The following TNRC6C variants were observed in gnomAD, a reference collection of about 807,000 sequenced individuals.
TNRC6C encodes the protein trinucleotide repeat containing adaptor 6C.
A neutral mutation model predicts 153.7 loss-of-function variants in TNRC6C; 20 were observed. That is an observed-to-expected ratio of 0.13 (90% CI 0.09 to 0.19). TNRC6C has a LOEUF of 0.19. TNRC6C is among the 10% of genes least tolerant of loss of function. TNRC6C has a pLI of 1.00. For synonymous variants in TNRC6C, 811 were observed against 841.4 expected, an observed-to-expected ratio of 0.96 and a Z score of 0.63; for missense variants, 1,987 against 2,172.0, an observed-to-expected ratio of 0.91 and a Z score of 1.69.
chr17:78,038,961 G>A (rs370913980), intron 2 of TNRC6C, among the ~76,000 whole-genome samples: 121 of 152,150 alleles, frequency 8.0e-4, no homozygotes, highest in African/African-American at 2.5e-3. Flanking sequence ...TGGTCGGAAT[G>A]TAAGGAGGCA....
In TNRC6C at chr17:78,033,008, A is replaced by G. The variant is rs185630258; in HGVS notation, c.-219+1166A>G. On this transcript the variant is annotated intron_variant, in intron 2 of 19. Transcript: ENST00000301624. The stretch of plus-strand genomic sequence containing the variant: ...TCTATTTAGTTGCCAGCAGTTTACA[A>G]TCAAACATGCTACTTTCCCAATATG... Among the ~76,000 whole-genome samples the G allele has an allele frequency of 7.9e-5, 12 of 152,354 alleles. No individual in the cohort carries two copies. The East Asian group carries it at 1.7e-3, about 22-fold the overall frequency.
In TNRC6C at chr17:78,079,341, C is replaced by T; in HGVS notation, c.3211-54C>T. The T allele has an allele frequency of 6.3e-7, 1 of 1,592,576 alleles. No homozygotes were observed. Among genetic ancestry groups the T allele is most frequent in the South Asian group, 1.1e-5 (1 of 90,084 alleles). On this transcript the variant is annotated intron_variant, in intron 9 of 19. Transcript: ENST00000301624. This position sits in a 1 kb window ranked among gnomAD's most constrained non-coding sequence, Gnocchi z 4.3. ...TAGATCATTTCACCCTACCTCCAAA[C>T]AATGTTACTCTAATGCCTGCCTTGG...
chr17:78,095,097 A>G (rs2073460996), intron 16 of TNRC6C, among the ~76,000 whole-genome samples: 1 of 152,230 alleles, frequency 6.6e-6, no homozygotes, highest in Non-Finnish European at 1.5e-5. Context: ...TGCAGGTTGT[A>G]CAGATCCAAG....
chr17:78,091,523 C>T, exon 14 of TNRC6C: 1 of 1,609,258 alleles, frequency 6.2e-7, no homozygotes, highest in Non-Finnish European at 8.5e-7. Flanking sequence ...GTCCCAGTCA[C>T]GCCTCCCCCA....
intron 16 of TNRC6C, among the ~76,000 whole-genome samples, chr17:78,097,184 C>G (rs563216300): frequency 5.6e-4 from 86 of 152,236 alleles, no homozygotes; most frequent in African/African-American, 2.0e-3. Flanking sequence ...TGTGAACAGC[C>G]ACTGTGCTGC....
chr17:78,051,301 A>G (rs2072527120), exon 3 of TNRC6C: 5 of 1,551,884 alleles, frequency 3.2e-6, no homozygotes, highest in African/African-American at 2.7e-5. Context: ...CATGTGGGAT[A>G]GAAACAACCC....
Position 77,989,944 on chromosome 17 carries a change from C to T in TNRC6C, c.-37-14226C>T, listed in dbSNP as rs554283082. ...ACATCTCCTGAAATTTTTCTCCAGTCTGGATCTTTCCTGTGAACTCTGGAA... is the reference window on the plus strand; with the variant it reads ...ACATCTCCTGAAATTTTTCTCCAGTTTGGATCTTTCCTGTGAACTCTGGAA... On this transcript the variant is annotated intron_variant, in intron 1 of 22. Coordinates refer to the TNRC6C transcript ENST00000636222. Among the ~76,000 whole-genome samples, 28 of 152,274 alleles carry T rather than the reference C, an allele frequency of 1.8e-4. No homozygotes were observed. In the East Asian group the frequency reaches 5.4e-3, roughly 29 times the overall value.
intron 7 of TNRC6C, among the ~76,000 whole-genome samples, chr17:78,074,301 AT>A (rs1030620695): frequency 1.3e-5 from 2 of 152,130 alleles, no homozygotes; most frequent in African/African-American, 4.8e-5. Context: ...GGCAACTCAC[AT>A]TTTTTTGCCA....
At chr17:77,993,931 G>A (rs1042168835) in intron 1 of TNRC6C, among the ~76,000 whole-genome samples, 1 of 151,574 alleles carries the variant, frequency 6.6e-6, no homozygotes, top group Non-Finnish European at 1.5e-5. Context: ...CGTGTCTCCC[G>A]CCTGAAATTC....
chr17:78,012,925 A>G (rs2143405097), intron 1 of TNRC6C, among the ~76,000 whole-genome samples: 1 of 152,336 alleles, frequency 6.6e-6, no homozygotes, highest in South Asian at 2.1e-4. Flanking sequence ...TTTTAAAAGT[A>G]AGTGAGAGAA....
chr17:78,049,754 C>A lies in TNRC6C; in HGVS notation c.692C>A (p.Ser231Ter). 1 of 1,589,604 alleles carries A rather than the reference C, an allele frequency of 6.3e-7. No individual in the cohort carries two copies. The highest frequency in any genetic ancestry group is 8.6e-7 in the Non-Finnish European group (1 of 1,166,110). The change falls in exon 3 of 20, where the codon TCA (serine) becomes TAA (stop). Residue 231 changes from serine to a stop codon, truncating the protein, a stop_gained. Transcript: ENST00000301624. LOFTEE classifies it high-confidence loss of function. The surrounding 1 kb of genome is among the most constrained non-coding windows in gnomAD (Gnocchi z 4.1). ...CAAGGCCTTCCTGGTGCTAATGGAT[C>A]ATCAGTTTCTCAAGTCAGTGGGGGC...
chr17:78,010,047 A>G (rs925159118), intron 1 of TNRC6C, among the ~76,000 whole-genome samples: 8 of 151,256 alleles, frequency 5.3e-5, no homozygotes, highest in African/African-American at 1.9e-4. Context: ...GTGCCTGGCT[A>G]ATTTTTGTAT....
intron 1 of TNRC6C, among the ~76,000 whole-genome samples, chr17:77,979,571 A>G (rs746149430): frequency 6.6e-6 from 1 of 152,174 alleles, no homozygotes; most frequent in Non-Finnish European, 1.5e-5. Flanking sequence ...AGAAAAAGAA[A>G]AATATGTAAG....
At chr17:77,974,193 G>A (rs926275169) in intron 1 of TNRC6C, among the ~76,000 whole-genome samples, 2 of 152,052 alleles carry the variant, frequency 1.3e-5, no homozygotes, top group Non-Finnish European at 2.9e-5. Flanking sequence ...TATATAAAGA[G>A]CTCTCGTAAC....
At chr17:78,103,274 A>G in intron 18 of TNRC6C, 140 bp from the exon 22 acceptor site, 1 of 1,027,246 alleles carries the variant, frequency 9.7e-7, no homozygotes, top group Non-Finnish European at 1.4e-6. Flanking sequence ...TAATGTTGTA[A>G]AACCACATAT....
Position 78,049,922 on chromosome 17 carries a change from C to A in TNRC6C, c.860C>A (p.Ala287Asp). Residue 287 changes from alanine to aspartate, a missense_variant, in exon 3 of 20, where the codon GCT (alanine) becomes GAT (aspartate). Ala to Asp is a moderately radical substitution (Grantham distance 126). This residue lies in a region of TNRC6C where 1,052 missense variants were observed against 1,017.0 expected (regional missense o/e 1.03). Coordinates refer to ENST00000301624, the Ensembl canonical transcript of TNRC6C. This position sits in a 1 kb window ranked among gnomAD's most constrained non-coding sequence, Gnocchi z 4.1. ...GCTAAACAAAATGGATCCAGCAGTG[C>A]TGTGCAAAAGGAAGGAAGTGGAGGA... is the stretch of plus-strand genomic sequence containing the variant. The A allele has an allele frequency of 6.2e-7, 1 of 1,614,064 alleles. No individual in the cohort carries two copies. The highest frequency in any genetic ancestry group is 1.1e-5 in the South Asian group (1 of 91,092).
intron 3 of TNRC6C, among the ~76,000 whole-genome samples, chr17:78,052,025 G>A (rs2072547617): frequency 6.6e-6 from 1 of 152,210 alleles, no homozygotes; most frequent in Admixed American, 6.5e-5. Flanking sequence ...CTGTTAGAAA[G>A]GAACAAGTGG....
intron 3 of TNRC6C, among the ~76,000 whole-genome samples, chr17:78,054,445 C>A: frequency 6.6e-6 from 1 of 150,866 alleles, no homozygotes; most frequent in African/African-American, 2.4e-5. Flanking sequence ...TAAACCACTG[C>A]AGACTACTGT....
chr17:78,074,160 G>A (rs550520735), intron 7 of TNRC6C, among the ~76,000 whole-genome samples: 1 of 152,184 alleles, frequency 6.6e-6, no homozygotes, highest in African/African-American at 2.4e-5. Context: ...GCACCACACA[G>A]GGGGACCATT....
Sources: allele counts gnomAD v4.1 joint callset (sites outside exome capture counted in the v4.1 genomes callset), GRCh38; gene constraint gnomAD v4.1.1; regional missense constraint gnomAD v4.1.1; non-coding constraint Gnocchi (gnomAD v3.1); transcripts MANE v1.5; gene names NCBI Gene and HGNC (gene_info 2026-07-23, HGNC 2026-07-21).